The following SPATA13 variants were observed in gnomAD, a reference collection of about 807,000 sequenced individuals.
The protein encoded by SPATA13 is spermatogenesis associated 13, also known as spermatogenesis-associated protein 13.
Under a neutral mutation model 104.0 loss-of-function variants are expected in SPATA13, and 50 were observed. That is an observed-to-expected ratio of 0.48 (90% confidence interval 0.38 to 0.61). SPATA13 has a LOEUF of 0.61. SPATA13 is among the 20% of genes least tolerant of loss of function. The probability of loss-of-function intolerance (pLI) is 0.00; values close to 1 mark genes in which losing one functional copy is unlikely to be tolerated. For synonymous variants in SPATA13, 606 were observed against 667.5 expected, an observed-to-expected ratio of 0.91 and a Z score of 1.42; for missense variants, 1,524 against 1,690.6, an observed-to-expected ratio of 0.90 and a Z score of 1.73.
intron 3 of SPATA13, among the ~76,000 whole-genome samples, chr13:24,078,561 A>G (rs1003011630): frequency 1.3e-5 from 2 of 152,172 alleles, no homozygotes; most frequent in Admixed American, 6.5e-5. Context: ...TCTAGAAATA[A>G]TGTGAGTGAG....
At chr13:24,040,301 C>G (rs1877869732) in intron 3 of SPATA13, among the ~76,000 whole-genome samples, 1 of 152,200 alleles carries the variant, frequency 6.6e-6, no homozygotes, top group Admixed American at 6.5e-5. Flanking sequence ...TCTCACAAAC[C>G]TGGTTTTTCA....
At chr13:24,278,783 A>G (rs1371776095) in intron 4 of SPATA13, 1 of 1,602,576 alleles carries the variant, frequency 6.2e-7, no homozygotes, top group Non-Finnish European at 8.5e-7. Flanking sequence ...AAAGAAAAAT[A>G]TAGAAAAGAA....
In SPATA13 at chr13:24,056,195, A is replaced by T. The variant is rs763535952; in HGVS notation, c.-112+38494A>T. ...TGAGTCAGTTTGTATCAAATGAATA[A>T]ATAGGAAAAGTTAAAACTAGAAGTG... On this transcript the variant is annotated intron_variant, in intron 3 of 14. Coordinates refer to the SPATA13 transcript ENST00000424834. Among the ~76,000 whole-genome samples the T allele has an allele frequency of 1.3e-5, 2 of 152,238 alleles. 1 individual carries two copies. The highest frequency in any genetic ancestry group is 2.9e-5 in the Non-Finnish European group (2 of 68,042).
chr13:24,094,153 G>A (rs1593325104), intron 3 of SPATA13, among the ~76,000 whole-genome samples: 1 of 152,212 alleles, frequency 6.6e-6, no homozygotes, highest in Non-Finnish European at 1.5e-5. Context: ...TGGGTGTAAA[G>A]CCATTATTTC....
chr13:24,188,722 T>C (rs931248086), intron 1 of SPATA13, among the ~76,000 whole-genome samples: 1 of 152,210 alleles, frequency 6.6e-6, no homozygotes, highest in African/African-American at 2.4e-5. Flanking sequence ...ATTTTCAGTG[T>C]AGACAAAACA....
Position 24,302,783 on chromosome 13 carries a change from G to A in SPATA13, c.*10G>A. 1 of 1,614,126 alleles carries A rather than the reference G, an allele frequency of 6.2e-7. No individual in the cohort carries two copies. Among genetic ancestry groups the A allele is most frequent in the Admixed American group, 1.7e-5 (1 of 60,034 alleles). ...CCCCTTCCGGAAATGAAAACAGGAGGCTGTGCTTCCATGGAGCTGGGTGTC... is the reference window on the plus strand; with the variant it reads ...CCCCTTCCGGAAATGAAAACAGGAGACTGTGCTTCCATGGAGCTGGGTGTC... On this transcript the variant is annotated 3_prime_UTR_variant, in exon 13 of 13. Coordinates refer to ENST00000382108, the MANE Select transcript of SPATA13 (RefSeq NM_001166271.3).
intron 3 of SPATA13, chr13:24,122,978 A>G (rs1406173879): frequency 2.5e-6 from 2 of 806,834 alleles, no homozygotes; most frequent in African/African-American, 3.3e-5. Flanking sequence ...TTCCCATAGC[A>G]GTAACTGCTT....
chr13:23,986,633 A>G (rs2765147), intron 2 of SPATA13, among the ~76,000 whole-genome samples: 115,627 of 152,138 alleles, frequency 0.76, 44,353 homozygotes, highest in Non-Finnish European at 0.8. Context: ...CTGCCTGGGA[A>G]AATGTTTAGA....
At chr13:24,006,895 G>C (rs1200564440) in intron 2 of SPATA13, among the ~76,000 whole-genome samples, 1 of 152,222 alleles carries the variant, frequency 6.6e-6, no homozygotes, top group Admixed American at 6.5e-5. Flanking sequence ...CAATTAACAC[G>C]AAGCCCCTCT....
In SPATA13 at chr13:24,223,042, A is replaced by C. The variant is rs1338073503; in HGVS notation, c.113A>C (p.Asp38Ala). The change falls in exon 2 of 13, where the codon GAC becomes GCC. Residue 38 changes from aspartate to alanine, a missense_variant. Coordinates refer to ENST00000382108, the MANE Select transcript of SPATA13 (RefSeq NM_001166271.3). ...AAPCAGSDLK[D>A]AKMVTSLACG... The stretch of plus-strand genomic sequence containing the variant: ...CCCTGTGCAGGCTCGGACCTGAAAG[A>C]CGCCAAGATGGTGACCTCCCTTGCG... 1 of 1,551,528 alleles carries C rather than the reference A, an allele frequency of 6.4e-7. No individual in the cohort carries two copies.
At chr13:24,052,849 G>GCCCCCCGCCCCC (rs1593300615) in intron 3 of SPATA13, among the ~76,000 whole-genome samples, 1 of 42,998 alleles carries the variant, frequency 2.3e-5, no homozygotes, top group African/African-American at 1.0e-4. Flanking sequence ...CCGCCACTGT[G>GCCCCCCGCCCCC]CCCTGCCCAC....
chr13:24,039,882 C>G (rs1363437690), intron 3 of SPATA13, among the ~76,000 whole-genome samples: 1 of 152,198 alleles, frequency 6.6e-6, no homozygotes, highest in Non-Finnish European at 1.5e-5. Flanking sequence ...GCACCGTCCC[C>G]ACCAAAGACA....
intron 9 of SPATA13, among the ~76,000 whole-genome samples, chr13:24,291,088 C>G (rs1042893966): frequency 6.6e-5 from 10 of 152,300 alleles, no homozygotes; most frequent in African/African-American, 2.4e-4. Context: ...ATATCCAGTC[C>G]TAGAGCTATG....
chr13:24,230,473 G>C (rs750916932), intron 2 of SPATA13, among the ~76,000 whole-genome samples: 2 of 152,192 alleles, frequency 1.3e-5, no homozygotes, highest in Non-Finnish European at 2.9e-5. Context: ...GGCGGCGGTT[G>C]CAGAAGGGCA....
At chr13:24,020,610 G>T (rs1593281087) in intron 3 of SPATA13, among the ~76,000 whole-genome samples, 2 of 152,232 alleles carry the variant, frequency 1.3e-5, no homozygotes, top group East Asian at 3.9e-4. Flanking sequence ...AACTTACATT[G>T]TAATAAGCAG....
chr13:24,103,246 C>G (rs1880314279), intron 3 of SPATA13, among the ~76,000 whole-genome samples: 1 of 152,038 alleles, frequency 6.6e-6, no homozygotes, highest in Non-Finnish European at 1.5e-5. Flanking sequence ...CAGGTTATTA[C>G]CAGTTTATTT....
chr13:24,009,398 T>TG (rs1305557671), intron 2 of SPATA13, among the ~76,000 whole-genome samples: 1 of 152,234 alleles, frequency 6.6e-6, no homozygotes, highest in Non-Finnish European at 1.5e-5. Context: ...GAGTGACCCA[T>TG]GAGCTATGAC....
rs35001100 is a variant in SPATA13 at position 24,161,802 on chromosome 13, TC to T, written c.-112+873del. ...TACTGTGAATTTATTCAGCTCTTGTTCCCATGGCTTCCCATAGCCTTATATT... is the reference window on the plus strand; with the variant it reads ...TACTGTGAATTTATTCAGCTCTTGTTCCATGGCTTCCCATAGCCTTATATT... On this transcript the variant is annotated intron_variant, in intron 1 of 12. Coordinates refer to ENST00000382108, the MANE Select transcript of SPATA13 (RefSeq NM_001166271.3). The surrounding 1 kb of genome is among the most constrained non-coding windows in gnomAD (Gnocchi z 4.5). 6.6e-6 allele frequency among the ~76,000 whole-genome samples: 1 copy of T among 152,196 alleles called. No homozygotes were observed. The highest frequency in any genetic ancestry group is 1.5e-5 in the Non-Finnish European group (1 of 68,030).
intron 3 of SPATA13, chr13:24,123,809 A>G: frequency 1.1e-6 from 1 of 923,932 alleles, no homozygotes; most frequent in Non-Finnish European, 1.8e-6. Flanking sequence ...AAACTCCTTG[A>G]TTAATAAAAA....
Sources: allele counts gnomAD v4.1 joint callset (sites outside exome capture counted in the v4.1 genomes callset), GRCh38; gene constraint gnomAD v4.1.1; non-coding constraint Gnocchi (gnomAD v3.1); transcripts MANE v1.5; gene names NCBI Gene and HGNC (gene_info 2026-07-23, HGNC 2026-07-21).